Variants in WWP1 observed in about 807,000 individuals in gnomAD.
WWP1 encodes the protein WW domain containing E3 ubiquitin protein ligase 1, also known as NEDD4-like E3 ubiquitin-protein ligase WWP1.
In WWP1, 49 loss-of-function variants were observed where a neutral mutation model predicts 130.6. The ratio of observed to expected loss-of-function variants is 0.38; its 90% CI spans 0.30 to 0.48. The LOEUF (loss-of-function observed/expected upper bound fraction) is 0.48. Among genes scored for constraint, WWP1 ranks in the 20% least tolerant of loss-of-function variants. The probability of loss-of-function intolerance (pLI) is 0.99; values close to 1 mark genes in which losing one functional copy is unlikely to be tolerated. For synonymous variants in WWP1, 332 were observed against 367.8 expected, an observed-to-expected ratio of 0.90 and a Z score of 1.11; for missense variants, 809 against 1,100.6, an observed-to-expected ratio of 0.74 and a Z score of 3.75.
intron 1 of WWP1, among the ~76,000 whole-genome samples, chr8:86,364,833 A>G (rs2953529): frequency 0.32 from 35,921 of 112,134 alleles, 5,026 homozygotes; most frequent in Middle Eastern, 0.42. Context: ...GAAAGAAAGA[A>G]AGAGAGAGAG....
rs773827652 is a variant in WWP1, at chr8:86,452,594, A to G, written c.2309A>G (p.Gln770Arg). 1.5e-5 allele frequency: 24 copies of G among 1,612,800 alleles called. No homozygotes were observed. The highest frequency in any genetic ancestry group is 2.0e-5 in the Non-Finnish European group (24 of 1,179,422). Residue 770 changes from glutamine (Q) to arginine (R), a missense_variant, in exon 21 of 25, where the codon CAA (glutamine) becomes CGA (arginine). By Grantham distance (43) the Gln-to-Arg change is conservative. Coordinates refer to ENST00000517970, the MANE Select transcript of WWP1 (RefSeq NM_007013.4). ...GAATGGCGTTTTTCTCGAGGAGTACAAGAACAGACCAAAGCTTTCCTTGAT... is the reference window on the plus strand; with the variant it reads ...GAATGGCGTTTTTCTCGAGGAGTACGAGAACAGACCAAAGCTTTCCTTGAT... ...MTEWRFSRGV[Q>R]EQTKAFLDGF...
chr8:86,380,823 C>A lies in WWP1; in HGVS notation c.168C>A (p.Ser56=), dbSNP rs757550098. The A allele has an allele frequency of 1.9e-6, 3 of 1,612,778 alleles. No individual in the cohort carries two copies. In the East Asian group the frequency reaches 6.7e-5, roughly 36 times the overall value. Residue 56 remains serine, a synonymous_variant, in exon 4 of 25, where the codon TCC becomes TCA. Coordinates refer to ENST00000517970, the MANE Select transcript of WWP1 (RefSeq NM_007013.4). ...GAGAAATTACGAAAACAGCAAAATC[C>A]AGTAGTTCTTCTAATCCAAAATGGG... The part of the protein sequence containing the change: ...VDGEITKTAK[S]SSSSNPKWDE...
chr8:86,348,326 C>G (rs1018269137), intron 1 of WWP1, among the ~76,000 whole-genome samples: 9 of 152,034 alleles, frequency 5.9e-5, no homozygotes, highest in Non-Finnish European at 5.9e-5. Flanking sequence ...TCAAGAGATT[C>G]TCCTGCCTCA....
intron 9 of WWP1, among the ~76,000 whole-genome samples, chr8:86,414,922 G>A (rs1415170426): frequency 8.4e-6 from 1 of 118,930 alleles, no homozygotes; most frequent in African/African-American, 3.5e-5. Context: ...TAGCGATTAG[G>A]CAACTGGGTC....
intron 5 of WWP1, among the ~76,000 whole-genome samples, chr8:86,396,478 T>C (rs1448186446): frequency 6.6e-6 from 1 of 152,144 alleles, no homozygotes; most frequent in East Asian, 1.9e-4. Flanking sequence ...TGTTTGTTTG[T>C]TTTTGATGTA....
At chr8:86,410,970 G>C (rs1468749823) in intron 8 of WWP1, among the ~76,000 whole-genome samples, 1 of 152,076 alleles carries the variant, frequency 6.6e-6, no homozygotes, top group Non-Finnish European at 1.5e-5. Context: ...GTGACACGTA[G>C]TCGAACTAGA....
intron 18 of WWP1, among the ~76,000 whole-genome samples, chr8:86,444,363 A>G (rs544038505): frequency 6.6e-6 from 1 of 152,328 alleles, no homozygotes; most frequent in South Asian, 2.1e-4. Flanking sequence ...GAGATGTAAA[A>G]GAGATAGTTG....
chr8:86,432,860 G>A (rs946970778), intron 14 of WWP1, among the ~76,000 whole-genome samples: 8 of 152,108 alleles, frequency 5.3e-5, no homozygotes, highest in Admixed American at 5.2e-4. Flanking sequence ...CACCTGCTTT[G>A]GCCTCCCAAA....
At chr8:86,408,152 A>ATTTCAGATT (rs1267330077) in intron 8 of WWP1, among the ~76,000 whole-genome samples, 1 of 152,160 alleles carries the variant, frequency 6.6e-6, no homozygotes, top group Non-Finnish European at 1.5e-5. Flanking sequence ...CAGTGTGGGT[A>ATTTCAGATT]GCCTTTTCAG....
chr8:86,431,429 AG>A lies in WWP1; in HGVS notation c.1414del (p.Val472PhefsTer4). On this transcript the variant is annotated frameshift_variant, in exon 13 of 25. Transcript: ENST00000517970. LOFTEE classifies it high-confidence loss of function. ...AGAAAAAAGAGTGGATTCAACAGACAGGGTTTACTTTGTGAATCATAACACA... is the reference window on the plus strand; with the variant it reads ...AGAAAAAAGAGTGGATTCAACAGACAGGTTTACTTTGTGAATCATAACACA... ...GWEKRVDSTD[R>X]VYFVNHNTKT... 1 of 1,604,522 alleles carries A rather than the reference AG, an allele frequency of 6.2e-7. No homozygotes were observed. Among genetic ancestry groups the A allele is most frequent in the Non-Finnish European group, 8.5e-7 (1 of 1,174,940 alleles).
intron 5 of WWP1, 59 bp from the exon 6 acceptor site, chr8:86,398,283 T>C: frequency 6.6e-7 from 1 of 1,518,644 alleles, no homozygotes; most frequent in Non-Finnish European, 8.8e-7. Context: ...GTAGGTTTGA[T>C]TTCTGAAGCA....
intron 1 of WWP1, among the ~76,000 whole-genome samples, chr8:86,364,833 A>AAGAGAGAGAGAGAG (rs1012959189): frequency 1.3e-4 from 15 of 113,742 alleles, no homozygotes; most frequent in African/African-American, 4.7e-4. Context: ...GAAAGAAAGA[A>AAGAGAGAGAGAGAG]AGAGAGAGAG....
At chr8:86,423,240 T>C (rs1445925342) in intron 9 of WWP1, among the ~76,000 whole-genome samples, 1 of 152,076 alleles carries the variant, frequency 6.6e-6, no homozygotes, top group African/African-American at 2.4e-5. Context: ...TATTTATTTT[T>C]TTAATTGATC....
chr8:86,349,294 C>G (rs1034218843), intron 1 of WWP1, among the ~76,000 whole-genome samples: 2 of 152,238 alleles, frequency 1.3e-5, no homozygotes, highest in African/African-American at 4.8e-5. Flanking sequence ...GCTGGGATTA[C>G]AGGCGTGAGC....
intron 9 of WWP1, among the ~76,000 whole-genome samples, chr8:86,423,938 GCGGGGGC>G (rs1159474689): frequency 1.9e-4 from 25 of 130,214 alleles, no homozygotes; most frequent in African/African-American, 3.6e-4. Context: ...GGCTGGCCGG[GCGGGGGC>G]TGCCCCCATA....
At chr8:86,433,271 A>T (rs1810094744) in intron 14 of WWP1, among the ~76,000 whole-genome samples, 1 of 116,882 alleles carries the variant, frequency 8.6e-6, no homozygotes, top group Non-Finnish European at 1.6e-5. Context: ...CATTCTCTTG[A>T]TGCATCTTAC....
At position 86,342,753 on chromosome 8, in the gene WWP1, C is replaced by A. The variant is rs1822268783; in HGVS notation, c.-292C>A. 8.3e-6 allele frequency: 3 copies of A among 363,416 alleles called. No homozygotes were observed. The highest frequency in any genetic ancestry group is 4.0e-5 in the East Asian group (1 of 25,070). The allele number at this position is 363,416 out of a possible 1,614,324, so 22.5% of individuals were successfully genotyped here. On this transcript the variant is annotated 5_prime_UTR_variant, in exon 1 of 25. Coordinates refer to ENST00000517970, the MANE Select transcript of WWP1 (RefSeq NM_007013.4). Reference sequence around the variant, plus strand: ...GTCGGGTGTCGGCGAGCTCCGCGTGCGGGTTCCGAGTGGCTGCTGGCGGCC... The same window carrying A: ...GTCGGGTGTCGGCGAGCTCCGCGTGAGGGTTCCGAGTGGCTGCTGGCGGCC...
intron 8 of WWP1, among the ~76,000 whole-genome samples, chr8:86,405,830 C>G (rs1436353869): frequency 3.6e-5 from 5 of 139,792 alleles, no homozygotes. Context: ...CCATGTTGTC[C>G]ACTGCTACCT....
chr8:86,363,359 G>A (rs1455863740), intron 1 of WWP1, among the ~76,000 whole-genome samples: 4 of 152,180 alleles, frequency 2.6e-5, no homozygotes, highest in African/African-American at 9.7e-5. Context: ...CTGCTTCCTT[G>A]AACTTTTAGT....
Sources: gnomAD v4.1 joint callset for allele counts (sites outside exome capture counted in the v4.1 genomes callset) on GRCh38, gnomAD v4.1.1 for gene constraint, MANE v1.5 for transcripts, NCBI Gene and HGNC (gene_info 2026-07-23, HGNC 2026-07-21) for gene names.